Variants in FGF12 observed in about 807,000 individuals in gnomAD.
FGF12 encodes the protein fibroblast growth factor 12B.
A neutral mutation model predicts 23.6 loss-of-function variants in FGF12; 14 were observed. That is an observed-to-expected ratio of 0.59 (90% CI 0.39 to 0.93). The LOEUF (loss-of-function observed/expected upper bound fraction) is 0.93, where lower values mean the gene tolerates loss of function less well. Ranked by LOEUF, FGF12 falls within the 40% of genes least tolerant of loss-of-function variation. FGF12 has a pLI of 0.00. For missense variants in FGF12, 175 were observed against 217.8 expected, an observed-to-expected ratio of 0.80 and a Z score of 1.24; for synonymous variants, 62 against 77.3, an observed-to-expected ratio of 0.80 and a Z score of 1.04.
intron 2 of FGF12, among the ~76,000 whole-genome samples, chr3:192,534,547 C>T (rs1725180504): frequency 6.6e-6 from 1 of 152,044 alleles, no homozygotes; most frequent in Non-Finnish European, 1.5e-5. Flanking sequence ...AGGTGCATGC[C>T]ACCACACCTA....
intron 2 of FGF12, among the ~76,000 whole-genome samples, chr3:192,682,252 A>G (rs1432295556): frequency 1.3e-5 from 2 of 152,170 alleles, no homozygotes; most frequent in Non-Finnish European, 2.9e-5. Flanking sequence ...ATTATCTGCT[A>G]TAAGCCCCTG....
At chr3:192,671,790 C>A (rs1016358336) in intron 2 of FGF12, among the ~76,000 whole-genome samples, 1 of 151,896 alleles carries the variant, frequency 6.6e-6, no homozygotes, top group Non-Finnish European at 1.5e-5. Flanking sequence ...CACACACACA[C>A]ACACACACAC....
chr3:192,412,120 G>C (rs1245601481), intron 2 of FGF12, among the ~76,000 whole-genome samples: 2 of 152,202 alleles, frequency 1.3e-5, no homozygotes, highest in African/African-American at 4.8e-5. Flanking sequence ...AGAGTTTAAT[G>C]TATGTTTGCA....
At chr3:192,197,428 C>A (rs1414709531) in intron 4 of FGF12, among the ~76,000 whole-genome samples, 1 of 152,160 alleles carries the variant, frequency 6.6e-6, no homozygotes, top group Non-Finnish European at 1.5e-5. Context: ...GACATTTGAA[C>A]TGCAGTGTTG....
At chr3:192,576,130 T>C (rs1323624626) in intron 2 of FGF12, among the ~76,000 whole-genome samples, 1 of 152,212 alleles carries the variant, frequency 6.6e-6, no homozygotes, top group Non-Finnish European at 1.5e-5. Flanking sequence ...TGATGTCTTT[T>C]CCAGCACATT....
At chr3:192,373,098 G>GTT (rs146953816) in intron 2 of FGF12, among the ~76,000 whole-genome samples, 1 of 148,454 alleles carries the variant, frequency 6.7e-6, no homozygotes, top group African/African-American at 2.5e-5. Flanking sequence ...GCAGCACACT[G>GTT]TTTTTTTTTT....
At chr3:192,550,016 C>G (rs1182248886) in intron 2 of FGF12, among the ~76,000 whole-genome samples, 3 of 151,890 alleles carry the variant, frequency 2.0e-5, no homozygotes, top group Non-Finnish European at 2.9e-5. Context: ...CCCTCTGTCT[C>G]TCTCTGTCTC....
chr3:192,216,329 G>T (rs1276569604), intron 4 of FGF12, among the ~76,000 whole-genome samples: 2 of 152,136 alleles, frequency 1.3e-5, no homozygotes, highest in African/African-American at 2.4e-5. Context: ...GGTAATGGAG[G>T]TTATTCCCTG....
At chr3:192,263,557 A>G (rs984094557) in intron 4 of FGF12, among the ~76,000 whole-genome samples, 3 of 151,992 alleles carry the variant, frequency 2.0e-5, no homozygotes, top group African/African-American at 7.2e-5. Context: ...GGGAAAAAAA[A>G]AAAACTATTC....
intron 5 of FGF12, among the ~76,000 whole-genome samples, chr3:192,166,099 G>T (rs539682446): frequency 2.6e-5 from 4 of 152,174 alleles, no homozygotes; most frequent in Non-Finnish European, 2.9e-5. Context: ...GAGGAGAAAG[G>T]TTTCAATGTC....
intron 2 of FGF12, among the ~76,000 whole-genome samples, chr3:192,472,728 G>A (rs1057465345): frequency 6.6e-6 from 1 of 152,060 alleles, no homozygotes; most frequent in African/African-American, 2.4e-5. Context: ...TAATTCTCTT[G>A]CTCTCCCTGC....
chr3:192,659,408 T>C (rs1716568304), intron 2 of FGF12, among the ~76,000 whole-genome samples: 1 of 152,184 alleles, frequency 6.6e-6, no homozygotes, highest in African/African-American at 2.4e-5. Flanking sequence ...CCAGCTGATG[T>C]GTATATACAG....
intron 2 of FGF12, among the ~76,000 whole-genome samples, chr3:192,619,546 C>T (rs1203215543): frequency 2.0e-5 from 3 of 152,036 alleles, no homozygotes; most frequent in African/African-American, 7.2e-5. Context: ...CTTTACTGAC[C>T]TCAGAACTTT....
intron 2 of FGF12, among the ~76,000 whole-genome samples, chr3:192,370,933 A>G (rs570619730): frequency 6.6e-6 from 1 of 152,356 alleles, no homozygotes; most frequent in South Asian, 2.1e-4. Context: ...AATATTAATG[A>G]AAGTGTGGGT....
At chr3:192,688,357 C>T (rs1019744221) in intron 2 of FGF12, among the ~76,000 whole-genome samples, 4 of 152,144 alleles carry the variant, frequency 2.6e-5, no homozygotes, top group African/African-American at 4.8e-5. Context: ...CTATAACCAC[C>T]CCCCAACCTC....
chr3:192,463,130 T>C (rs1371783352), intron 2 of FGF12, among the ~76,000 whole-genome samples: 1 of 152,092 alleles, frequency 6.6e-6, no homozygotes, highest in African/African-American at 2.4e-5. Flanking sequence ...TAGAAGATTT[T>C]GTTGTTGGCA....
intron 4 of FGF12, among the ~76,000 whole-genome samples, chr3:192,247,858 TGAAAG>T (rs1711729828): frequency 6.6e-6 from 1 of 152,208 alleles, no homozygotes; most frequent in Admixed American, 6.5e-5. Flanking sequence ...ATTTAGCTTC[TGAAAG>T]TAGTGTTCCT....
intron 4 of FGF12, among the ~76,000 whole-genome samples, chr3:192,291,246 C>T (rs1714742288): frequency 6.6e-6 from 1 of 152,024 alleles, no homozygotes; most frequent in South Asian, 2.1e-4. Context: ...ATTCTATGGA[C>T]ATAACAGTTT....
intron 4 of FGF12, among the ~76,000 whole-genome samples, chr3:192,227,783 G>C (rs1369628076): frequency 6.6e-6 from 1 of 152,016 alleles, no homozygotes; most frequent in East Asian, 1.9e-4. Context: ...ATGATACATA[G>C]TCATGATTTT....
Sources: allele counts gnomAD v4.1 joint callset (sites outside exome capture counted in the v4.1 genomes callset), GRCh38; gene constraint gnomAD v4.1.1; transcripts MANE v1.5; gene names NCBI Gene and HGNC (gene_info 2026-07-23, HGNC 2026-07-21).